Variants in SUSD3 observed in about 807,000 individuals in gnomAD.
The protein encoded by SUSD3 is sushi domain containing 3, also known as sushi domain-containing protein 3.
A neutral mutation model predicts 20.6 loss-of-function variants in SUSD3; 18 were observed. The ratio of observed to expected loss-of-function variants is 0.87; its 90% CI spans 0.60 to 1.30. The LOEUF (loss-of-function observed/expected upper bound fraction) is 1.30, where lower values mean the gene tolerates loss of function less well. SUSD3 is among the 50% of genes most tolerant of loss of function. The probability of loss-of-function intolerance (pLI) is 0.00; values close to 1 mark genes in which losing one functional copy is unlikely to be tolerated. For synonymous variants in SUSD3, 137 were observed against 141.5 expected (o/e 0.97, Z 0.23); for missense variants, 306 against 346.9 (o/e 0.88, Z 0.94).
chr9:93,074,227 G>A (rs148715375), intron 1 of SUSD3, among the ~76,000 whole-genome samples: 244 of 152,006 alleles, frequency 1.6e-3, no homozygotes, highest in African/African-American at 5.4e-3. Flanking sequence ...GCCGGATCAC[G>A]AGGTCATCAT....
intron 1 of SUSD3, among the ~76,000 whole-genome samples, chr9:93,074,511 A>G (rs115999222): frequency 0.032 from 4,827 of 150,576 alleles, 112 homozygotes; most frequent in African/African-American, 0.057. Flanking sequence ...GGCCCTGGGT[A>G]AGGGAATCAT....
In SUSD3 at chr9:93,058,729, T is replaced by G. The variant is rs989400802; in HGVS notation, c.-14T>G. On this transcript the variant is annotated 5_prime_UTR_variant, in exon 1 of 5. Transcript: ENST00000375472. ...CCCCTGGCAGACCCCGCCAAGCGCC[T>G]CGGAGCGCGCAGGATGCGCTGGGCG... is the stretch of plus-strand genomic sequence containing the variant. The G allele has an allele frequency of 4.9e-6, 6 of 1,230,856 alleles. No homozygotes were observed. Among genetic ancestry groups the G allele is most frequent in the African/African-American group, 4.7e-5 (3 of 64,076 alleles). 76.2% of individuals were successfully genotyped at this position (1,230,856 alleles called of 1,614,324 possible).
intron 1 of SUSD3, among the ~76,000 whole-genome samples, chr9:93,063,716 A>G (rs1197606569): frequency 6.6e-6 from 1 of 152,024 alleles, no homozygotes; most frequent in Non-Finnish European, 1.5e-5. Flanking sequence ...CCTCCCTCCT[A>G]CCAGTTACTT....
At position 93,076,426 on chromosome 9, in the gene SUSD3, G is replaced by T. The variant is rs150267600; in HGVS notation, c.277+454G>T. Among the ~76,000 whole-genome samples, 898 of 152,288 alleles carry T rather than the reference G, an allele frequency of 5.9e-3. 9 individuals are homozygous for T. Among genetic ancestry groups the T allele is most frequent in the African/African-American group, 0.02 (848 of 41,556 alleles). On this transcript the variant is annotated intron_variant, in intron 2 of 4. Transcript: ENST00000375472. ...CTGGCAACACGGAAGGTCATAACGT[G>T]CCTGGCCCTGGAGCTCCCAGTCTGT...
chr9:93,080,184 C>T lies in SUSD3; in HGVS notation c.557+582C>T, dbSNP rs530940634. Among the ~76,000 whole-genome samples, 17 of 151,766 alleles carry T rather than the reference C, an allele frequency of 1.1e-4. No individual in the cohort carries two copies. In the South Asian group the frequency reaches 1.2e-3, roughly 11 times the overall value. On this transcript the variant is annotated intron_variant, in intron 4 of 4. Transcript: ENST00000375472. The stretch of plus-strand genomic sequence containing the variant: ...AAACACAAACATTACCTGGGTGTGG[C>T]GGAGTGTGCCTTTAATCCCAGCTAC...
At chr9:93,075,731 T>TGGGGGGGGGGGGGGG in intron 1 of SUSD3, 53 bp from the exon 2 acceptor site, 5 of 398,892 alleles carry the variant, frequency 1.3e-5, no homozygotes, top group Admixed American at 3.8e-5. Context: ...AGCCCTGCCC[T>TGGGGGGGGGGGGGGG]GCGTGCCCAC....
chr9:93,072,377 T>C (rs1263096138), intron 1 of SUSD3, among the ~76,000 whole-genome samples: 1 of 152,154 alleles, frequency 6.6e-6, no homozygotes, highest in Non-Finnish European at 1.5e-5. Flanking sequence ...TGGGTGCTGC[T>C]GGGGAGTGGG....
At chr9:93,075,662 T>G in intron 1 of SUSD3, 122 bp from the exon 2 acceptor site, 1 of 704,462 alleles carries the variant, frequency 1.4e-6, no homozygotes, top group East Asian at 2.7e-5. Flanking sequence ...CCTTTGGAGC[T>G]GCACCCCACC....
intron 1 of SUSD3, among the ~76,000 whole-genome samples, chr9:93,072,304 C>T (rs1040050836): frequency 6.6e-6 from 1 of 152,240 alleles, no homozygotes; most frequent in African/African-American, 2.4e-5. Context: ...TCGCCCTCAG[C>T]ATCTCAGCTT....
intron 4 of SUSD3, among the ~76,000 whole-genome samples, chr9:93,083,884 G>A (rs1307688345): frequency 6.6e-6 from 1 of 152,172 alleles, no homozygotes; most frequent in Non-Finnish European, 1.5e-5. Flanking sequence ...TTTGGGAGGG[G>A]AGAGAGACAG....
chr9:93,077,897 T>C lies in SUSD3; in HGVS notation c.329T>C (p.Ile110Thr), dbSNP rs146774616. 7.4e-5 allele frequency: 119 copies of C among 1,614,026 alleles called. No individual in the cohort carries two copies. Among genetic ancestry groups the C allele is most frequent in the Non-Finnish European group, 8.8e-5 (104 of 1,180,020 alleles). ...TTCAAGGTGGCCGTGATCGCCTCCA[T>C]TGTGAGCTGTGCCATCATCCTGCTC... ...FGFKVAVIAS[I>T]VSCAIILLMS... Residue 110 changes from isoleucine to threonine, a missense_variant, in exon 3 of 5, where the codon ATT (isoleucine) becomes ACT (threonine). Transcript: ENST00000375472.
At chr9:93,074,785 T>A (rs1276936943) in intron 1 of SUSD3, among the ~76,000 whole-genome samples, 3 of 151,894 alleles carry the variant, frequency 2.0e-5, no homozygotes, top group African/African-American at 7.3e-5. Context: ...CAGCTAATTT[T>A]TGTATTTTTA....
intron 1 of SUSD3, among the ~76,000 whole-genome samples, chr9:93,061,018 A>G (rs1444152883): frequency 6.6e-6 from 1 of 152,188 alleles, no homozygotes; most frequent in Non-Finnish European, 1.5e-5. Context: ...GCCCTGGGAG[A>G]AGGGCAGGGC....
Position 93,084,589 on chromosome 9 carries a change from A to G in SUSD3, c.610A>G (p.Lys204Glu). The G allele has an allele frequency of 1.2e-6, 2 of 1,604,724 alleles. No homozygotes were observed. ...GGCCAGTGTGACCCGCAGCGTGGAC[A>G]AGGACCCTGGGATCCCCAGAGCTCT... ...KLASVTRSVDKDPGIPRALSL... is the reference protein window; with the variant it reads ...KLASVTRSVDEDPGIPRALSL... Residue 204 changes from lysine (K) to glutamate (E), a missense_variant, in exon 5 of 5, where the codon AAG becomes GAG. By Grantham distance (56) the Lys-to-Glu change is moderately conservative. Coordinates refer to ENST00000375472, the MANE Select transcript of SUSD3 (RefSeq NM_145006.4).
At chr9:93,079,450 T>C (rs1419066501) in intron 3 of SUSD3, 21 bp from the exon 4 acceptor site, 1 of 1,612,676 alleles carries the variant, frequency 6.2e-7, no homozygotes, top group Non-Finnish European at 8.5e-7. Context: ...TCAGAGTCCT[T>C]CCTCCCAAAC....
intron 1 of SUSD3, among the ~76,000 whole-genome samples, chr9:93,062,185 G>A (rs1285797544): frequency 6.6e-6 from 1 of 152,262 alleles, no homozygotes; most frequent in Non-Finnish European, 1.5e-5. Flanking sequence ...AGAGGCGCAG[G>A]CGCGGCATGT....
chr9:93,075,218 A>G (rs1445863083), intron 1 of SUSD3, among the ~76,000 whole-genome samples: 1 of 152,058 alleles, frequency 6.6e-6, no homozygotes, highest in Admixed American at 6.5e-5. Flanking sequence ...TTTAAACTGA[A>G]TATTCAGTTT....
intron 1 of SUSD3, among the ~76,000 whole-genome samples, chr9:93,063,620 G>T (rs1825590292): frequency 6.6e-6 from 1 of 152,180 alleles, no homozygotes; most frequent in Non-Finnish European, 1.5e-5. Flanking sequence ...TGCCCCCTTG[G>T]CTGAGGGCTT....
At chr9:93,075,738 C>T in intron 1 of SUSD3, 46 bp from the exon 2 acceptor site, 1 of 200,806 alleles carries the variant, frequency 5.0e-6, no homozygotes, top group Non-Finnish European at 9.5e-6. Flanking sequence ...CCCTGCGTGC[C>T]CACCCCCCCC....
Sources: gnomAD v4.1 joint callset for allele counts (sites outside exome capture counted in the v4.1 genomes callset) on GRCh38, gnomAD v4.1.1 for gene constraint, MANE v1.5 for transcripts, NCBI Gene and HGNC (gene_info 2026-07-23, HGNC 2026-07-21) for gene names.